Variants in TYW5 observed in about 807,000 individuals in gnomAD.
TYW5 encodes the protein tRNA-yW synthesizing protein 5, also known as tRNA wybutosine-synthesizing protein 5.
Under a neutral mutation model 44.4 loss-of-function variants are expected in TYW5, and 36 were observed. The ratio of observed to expected loss-of-function variants is 0.81; its 90% CI spans 0.62 to 1.07. The LOEUF (loss-of-function observed/expected upper bound fraction) is 1.07, where lower values mean the gene tolerates loss of function less well. Ranked by LOEUF, TYW5 falls within the 50% of genes least tolerant of loss-of-function variation. The pLI is 0.00. For missense variants in TYW5, 354 were observed against 365.7 expected (o/e 0.97, Z 0.26); for synonymous variants, 121 against 128.1 (o/e 0.94, Z 0.37).
In TYW5 at chr2:199,942,570, T is replaced by C. The variant is rs1359880941; in HGVS notation, c.303+1195A>G. 3 of 152,348 alleles carry C rather than the reference T, an allele frequency of 2.0e-5. No individual in the cohort carries two copies. The East Asian group carries it at 5.8e-4, about 29-fold the overall frequency. 9.4% of individuals were successfully genotyped at this position (152,348 alleles called of 1,614,324 possible). Reference sequence around the variant, plus strand: ...AGACATCAAAGTACCAAAGGGCAACTGAATATACATGTTCAAAGCATGGCT... The same window carrying C: ...AGACATCAAAGTACCAAAGGGCAACCGAATATACATGTTCAAAGCATGGCT... On this transcript the variant is annotated intron_variant, in intron 3 of 7. Coordinates refer to ENST00000354611, the MANE Select transcript of TYW5 (RefSeq NM_001039693.3).
chr2:199,932,037 G>C lies in TYW5; in HGVS notation c.*1030C>G, dbSNP rs938260597. The C allele has an allele frequency of 6.9e-6, 1 of 144,366 alleles. No homozygotes were observed. The highest frequency in any genetic ancestry group is 1.5e-5 in the Non-Finnish European group (1 of 65,344). The allele number at this position is 144,366 out of a possible 1,614,324, so 8.9% of individuals were successfully genotyped here. On this transcript the variant is annotated 3_prime_UTR_variant, in exon 8 of 8. Coordinates refer to ENST00000354611, the MANE Select transcript of TYW5 (RefSeq NM_001039693.3). ...GACATAGGTATAAATTATTTATTTT[G>C]TAACATTCAAAAACCAAAAACCACC...
At chr2:199,954,158 T>G (rs1411261884) in intron 1 of TYW5, among the ~76,000 whole-genome samples, 1 of 151,808 alleles carries the variant, frequency 6.6e-6, no homozygotes, top group Non-Finnish European at 1.5e-5. Flanking sequence ...GCTGGAGCAG[T>G]GGCAGGATCA....
At chr2:199,942,918 C>G (rs1378989167) in intron 3 of TYW5, 3 of 149,570 alleles carry the variant, frequency 2.0e-5, no homozygotes, top group African/African-American at 7.4e-5. Flanking sequence ...AGTGCAATGG[C>G]GCAATCTAGC....
At position 199,931,355 on chromosome 2, in the gene TYW5, T is replaced by TAA. The variant is rs1334682375; in HGVS notation, c.*1711_*1712insTT. Reference sequence around the variant, plus strand: ...ATTCAGTGCACAAACTGTAATCTGTTTTATTAATACTTCCAAGTTTTCTAC... The same window carrying TAA: ...ATTCAGTGCACAAACTGTAATCTGTTAATTATTAATACTTCCAAGTTTTCTAC... On this transcript the variant is annotated 3_prime_UTR_variant, in exon 8 of 8. Coordinates refer to ENST00000354611, the MANE Select transcript of TYW5 (RefSeq NM_001039693.3). 2 of 152,210 alleles carry TAA rather than the reference T, an allele frequency of 1.3e-5. No individual in the cohort carries two copies. The highest frequency in any genetic ancestry group is 2.9e-5 in the Non-Finnish European group (2 of 68,018). The allele number at this position is 152,210 out of a possible 1,614,324, so 9.4% of individuals were successfully genotyped here. A position where few individuals can be genotyped will look rare whatever the true frequency, so the allele number is the denominator to read the frequency against.
intron 7 of TYW5, 109 bp from the exon 8 acceptor site, chr2:199,933,432 C>T: frequency 1.1e-6 from 1 of 950,030 alleles, no homozygotes; most frequent in South Asian, 1.7e-5. Flanking sequence ...AGAAATAATT[C>T]TTGTAACCAG....
intron 1 of TYW5, among the ~76,000 whole-genome samples, chr2:199,950,665 TGTGCAC>T (rs1361914199): frequency 6.6e-6 from 1 of 152,124 alleles, no homozygotes; most frequent in African/African-American, 2.4e-5. Flanking sequence ...TGTGTGTGTA[TGTGCAC>T]GTGCGCGTGC....
chr2:199,944,756 T>C (rs1324613009), intron 2 of TYW5: 2 of 152,196 alleles, frequency 1.3e-5, no homozygotes, highest in Admixed American at 1.3e-4. Context: ...ATCTTCCCAC[T>C]TGAACTCTGT....
intron 1 of TYW5, among the ~76,000 whole-genome samples, chr2:199,953,535 T>G (rs4410273): frequency 2.0e-5 from 3 of 152,040 alleles, no homozygotes; most frequent in Non-Finnish European, 4.4e-5. Context: ...ATTTTGTGCC[T>G]TATTGATTTT....
intron 1 of TYW5, 70 bp downstream of exon 1, chr2:199,955,323 C>A: frequency 6.4e-7 from 1 of 1,551,252 alleles, no homozygotes; most frequent in East Asian, 2.4e-5. Flanking sequence ...AACCAGTTCC[C>A]AGCTGTCCGA....
chr2:199,933,367 T>TA (rs199606074), intron 7 of TYW5, 44 bp from the exon 8 acceptor site: 422 of 1,518,668 alleles, frequency 2.8e-4, no homozygotes, highest in South Asian at 3.2e-4. Flanking sequence ...AACCTACAGT[T>TA]AAAAAAAAAC....
intron 5 of TYW5, 64 bp from the exon 6 acceptor site, chr2:199,936,556 C>A: frequency 2.2e-6 from 3 of 1,387,304 alleles, no homozygotes; most frequent in Non-Finnish European, 1.0e-6. Context: ...GAACCAATGG[C>A]ATGCTAAACT....
intron 2 of TYW5, chr2:199,944,534 G>C (rs567350494): frequency 6.6e-6 from 1 of 152,320 alleles, no homozygotes; most frequent in African/African-American, 2.4e-5. Context: ...TCTTGAGCTA[G>C]AAGGATATTC....
intron 3 of TYW5, among the ~76,000 whole-genome samples, chr2:199,941,105 G>T (rs1240077593): frequency 6.6e-6 from 1 of 152,050 alleles, no homozygotes; most frequent in African/African-American, 2.4e-5. Context: ...TGTCACCCAG[G>T]CTGGAGTGCA....
intron 5 of TYW5, 96 bp downstream of exon 5, chr2:199,938,837 G>T: frequency 7.7e-7 from 1 of 1,292,598 alleles, no homozygotes; most frequent in Non-Finnish European, 1.0e-6. Flanking sequence ...TTACACAGAT[G>T]TTTAGGGTAA....
Position 199,943,825 on chromosome 2 carries a change from A to C in TYW5, c.243T>G (p.Pro81=), listed in dbSNP as rs759234165. Residue 81 remains proline (P), a synonymous_variant, in exon 3 of 8, where the codon CCT becomes CCG. Coordinates refer to ENST00000354611, the MANE Select transcript of TYW5 (RefSeq NM_001039693.3). ...CTGCCCTCTGGACCAACTGGTCAAA[A>C]GGTAAAGTTCTGAAATAAACACAAA... is the stretch of plus-strand genomic sequence containing the variant. The part of the protein sequence containing the change: ...ISKNFVYRTL[P]FDQLVQRAAE... The C allele has an allele frequency of 6.8e-6, 11 of 1,609,006 alleles. No individual in the cohort carries two copies. Among genetic ancestry groups the C allele is most frequent in the African/African-American group, 4.0e-5 (3 of 74,564 alleles).
At chr2:199,945,302 C>T (rs1457601802) in intron 2 of TYW5, 1 of 152,124 alleles carries the variant, frequency 6.6e-6, no homozygotes, top group African/African-American at 2.4e-5. Flanking sequence ...GCTAGAATGC[C>T]GTTTCCTGCC....
At chr2:199,954,769 G>C (rs1000237398) in intron 1 of TYW5, among the ~76,000 whole-genome samples, 1 of 152,098 alleles carries the variant, frequency 6.6e-6, no homozygotes, top group African/African-American at 2.4e-5. Context: ...GTAAATATCA[G>C]GTAAGAAAAT....
chr2:199,955,457 T>C lies in TYW5; in HGVS notation c.14A>G (p.His5Arg). Residue 5 changes from histidine (H) to arginine (R), a missense_variant, in exon 1 of 8, where the codon CAC becomes CGC. Transcript: ENST00000354611. MAGQ[H>R]LPVPRLEGVS... ...GCCCTCCAGCCGGGGTACCGGGAGG[T>C]GCTGCCCGGCCATGGTTGCTCACGC... 6.2e-7 allele frequency: 1 copy of C among 1,613,576 alleles called. No individual in the cohort carries two copies. Among genetic ancestry groups the C allele is most frequent in the Non-Finnish European group, 8.5e-7 (1 of 1,179,902 alleles).
Position 199,929,033 on chromosome 2 carries a change from A to C in TYW5, c.*4034T>G, listed in dbSNP as rs1483069063. Among the ~76,000 whole-genome samples the C allele has an allele frequency of 3.3e-5, 5 of 152,204 alleles. No homozygotes were observed. Among genetic ancestry groups the C allele is most frequent in the African/African-American group, 1.2e-4 (5 of 41,444 alleles). The stretch of plus-strand genomic sequence containing the variant: ...TCTTAAGAGAAAAACATAAGAGGAG[A>C]TATAGACAGACCTCATCTGTAAACT... On this transcript the variant is annotated 3_prime_UTR_variant, in exon 8 of 8. Coordinates refer to ENST00000354611, the MANE Select transcript of TYW5 (RefSeq NM_001039693.3).
Sources: allele counts gnomAD v4.1 joint callset (sites outside exome capture counted in the v4.1 genomes callset), GRCh38; gene constraint gnomAD v4.1.1; transcripts MANE v1.5; gene names NCBI Gene and HGNC (gene_info 2026-07-23, HGNC 2026-07-21).